MTPN: variants seen among roughly 807,000 people sequenced by gnomAD.
MTPN encodes granule cell differentiation protein.
In MTPN, 2 loss-of-function variants were observed where a neutral mutation model predicts 13.5. That is an observed-to-expected ratio of 0.15 (90% CI 0.06 to 0.47). The LOEUF (loss-of-function observed/expected upper bound fraction) is 0.47. MTPN is among the 20% of genes least tolerant of loss of function. The pLI, the probability that MTPN is intolerant of heterozygous loss-of-function variation, is 0.97. For missense variants in MTPN, 79 were observed against 137.9 expected (o/e 0.57, Z 2.14); for synonymous variants, 46 against 51.7 (o/e 0.89, Z 0.48).
intron 1 of MTPN, among the ~76,000 whole-genome samples, chr7:135,976,471 C>T (rs1412940735): frequency 2.6e-5 from 4 of 152,180 alleles, no homozygotes; most frequent in African/African-American, 7.2e-5. Flanking sequence ...AAAGGCCACA[C>T]CCAAAGTTAA....
rs1296472490 is a variant in MTPN, at chr7:135,977,207, G to C, written c.-107C>G. The C allele has an allele frequency of 8.6e-7, 1 of 1,167,038 alleles. No individual in the cohort carries two copies. Among genetic ancestry groups the C allele is most frequent in the African/African-American group, 1.5e-5 (1 of 66,272 alleles). 72.3% of individuals were successfully genotyped at this position (1,167,038 alleles called of 1,614,324 possible). A position where few individuals can be genotyped will look rare whatever the true frequency, so the allele number is the denominator to read the frequency against. ...GGAGGCAGGGCCGCGCGAAGCCGGA[G>C]AGGAGAAGAAGAGAAGGAGGGTTAG... On this transcript the variant is annotated 5_prime_UTR_variant, in exon 1 of 4. Coordinates refer to ENST00000393085, the MANE Select transcript of MTPN (RefSeq NM_145808.4).
chr7:135,944,936 C>T (rs570496969), intron 3 of MTPN, among the ~76,000 whole-genome samples: 3 of 152,084 alleles, frequency 2.0e-5, no homozygotes, highest in Non-Finnish European at 2.9e-5. Flanking sequence ...ATAGAGTGTC[C>T]TTACATAAAC....
intron 1 of MTPN, among the ~76,000 whole-genome samples, chr7:135,975,049 C>G (rs1179655438): frequency 6.6e-6 from 1 of 152,176 alleles, no homozygotes; most frequent in Non-Finnish European, 1.5e-5. Flanking sequence ...TCAATACTCC[C>G]TTTTGCTTTT....
chr7:135,976,360 C>T (rs1424861991), intron 1 of MTPN, among the ~76,000 whole-genome samples: 2 of 152,206 alleles, frequency 1.3e-5, no homozygotes, highest in African/African-American at 4.8e-5. Context: ...AGTTAACATG[C>T]TTGTTTAAAA....
chr7:135,961,179 T>C (rs1012272076), intron 1 of MTPN, among the ~76,000 whole-genome samples: 5 of 151,962 alleles, frequency 3.3e-5, no homozygotes, highest in African/African-American at 2.4e-5. Flanking sequence ...AAAAAGACGA[T>C]TGGCATTAGG....
rs1314281200 is a variant in MTPN, at chr7:135,929,797, T to C, written c.*129A>G. 4 of 907,070 alleles carry C rather than the reference T, an allele frequency of 4.4e-6. No homozygotes were observed. The highest frequency in any genetic ancestry group is 7.0e-6 in the Non-Finnish European group (4 of 574,714). 56.2% of individuals were successfully genotyped at this position (907,070 alleles called of 1,614,324 possible). The stretch of plus-strand genomic sequence containing the variant: ...CTGGTAGTCGGATTTGTTATGAATT[T>C]CTCTCTCCCCTCACCCCTCTTAAAG... On this transcript the variant is annotated 3_prime_UTR_variant, in exon 4 of 4. Coordinates refer to ENST00000393085, the MANE Select transcript of MTPN (RefSeq NM_145808.4).
At chr7:135,952,236 T>C (rs972186569) in intron 1 of MTPN, among the ~76,000 whole-genome samples, 1 of 152,130 alleles carries the variant, frequency 6.6e-6, no homozygotes, top group Non-Finnish European at 1.5e-5. Context: ...TAATTAAACA[T>C]ATAATTTCAA....
At chr7:135,940,918 C>T (rs999054626) in intron 3 of MTPN, among the ~76,000 whole-genome samples, 1 of 152,180 alleles carries the variant, frequency 6.6e-6, no homozygotes, top group Non-Finnish European at 1.5e-5. Context: ...TATTAAGTGG[C>T]AGATACAGCT....
At chr7:135,974,087 T>C (rs182798593) in intron 1 of MTPN, among the ~76,000 whole-genome samples, 11 of 152,300 alleles carry the variant, frequency 7.2e-5, no homozygotes, top group Admixed American at 2.6e-4. Context: ...CAAAATACAA[T>C]TTTCAGTGGT....
chr7:135,954,566 T>C (rs1486106376), intron 1 of MTPN, among the ~76,000 whole-genome samples: 1 of 152,214 alleles, frequency 6.6e-6, no homozygotes, highest in Non-Finnish European at 1.5e-5. Flanking sequence ...GACGAGTCTT[T>C]AGAGTGAGAC....
Position 135,927,320 on chromosome 7 carries a change from T to G in MTPN, c.*2606A>C. 1 of 1,550,896 alleles carries G rather than the reference T, an allele frequency of 6.4e-7. No individual in the cohort carries two copies. Among genetic ancestry groups the G allele is most frequent in the Non-Finnish European group, 8.7e-7 (1 of 1,146,732 alleles). On this transcript the variant is annotated 3_prime_UTR_variant, in exon 4 of 4. Coordinates refer to ENST00000393085, the MANE Select transcript of MTPN (RefSeq NM_145808.4). Reference sequence around the variant, plus strand: ...AGAAGAACTACTTGGGATATTCAAGTGCTGTATTTGAACGATAAGCCTATA... The same window carrying G: ...AGAAGAACTACTTGGGATATTCAAGGGCTGTATTTGAACGATAAGCCTATA...
chr7:135,964,797 A>AC (rs980586858), intron 1 of MTPN, among the ~76,000 whole-genome samples: 2 of 151,822 alleles, frequency 1.3e-5, no homozygotes, highest in African/African-American at 4.8e-5. Context: ...GAAAATGCTG[A>AC]CCCCCAAAAT....
At chr7:135,940,040 C>G (rs1181612662) in intron 3 of MTPN, among the ~76,000 whole-genome samples, 3 of 152,036 alleles carry the variant, frequency 2.0e-5, no homozygotes, top group Admixed American at 6.5e-5. Context: ...AGAATACTGT[C>G]AATTATTTTG....
intron 2 of MTPN, 46 bp downstream of exon 2, chr7:135,951,471 A>C: frequency 1.6e-6 from 2 of 1,212,140 alleles, no homozygotes; most frequent in South Asian, 1.3e-5. Context: ...TACCCATAGC[A>C]TATTAACAGA....
chr7:135,933,509 T>C (rs370444007), intron 3 of MTPN, among the ~76,000 whole-genome samples: 1 of 152,318 alleles, frequency 6.6e-6, no homozygotes, highest in Non-Finnish European at 1.5e-5. Flanking sequence ...TTGTCAAGAT[T>C]AACTTTTATA....
chr7:135,966,597 A>G (rs147737203), intron 1 of MTPN, among the ~76,000 whole-genome samples: 166 of 152,280 alleles, frequency 1.1e-3, no homozygotes, highest in African/African-American at 3.7e-3. Flanking sequence ...AATCTGTCAC[A>G]AGAACCACCT....
intron 1 of MTPN, 87 bp downstream of exon 1, chr7:135,976,942 T>G: frequency 5.4e-6 from 2 of 368,378 alleles, no homozygotes; most frequent in Admixed American, 3.0e-5. Context: ...CCCACCCCCA[T>G]CCCCGCAGTC....
chr7:135,943,510 G>T (rs904335554), intron 3 of MTPN, among the ~76,000 whole-genome samples: 12 of 152,124 alleles, frequency 7.9e-5, no homozygotes, highest in Admixed American at 6.5e-5. Context: ...AGACAAGATG[G>T]TTTTTTCTAT....
chr7:135,976,782 AG>A (rs1799779666), intron 1 of MTPN, among the ~76,000 whole-genome samples: 1 of 152,092 alleles, frequency 6.6e-6, no homozygotes. Flanking sequence ...CCAAGAGGCC[AG>A]GAAGTCAGGT....
Sources: allele counts gnomAD v4.1 joint callset (sites outside exome capture counted in the v4.1 genomes callset), GRCh38; gene constraint gnomAD v4.1.1; transcripts MANE v1.5; gene names NCBI Gene and HGNC (gene_info 2026-07-23, HGNC 2026-07-21).